The following AK5 variants were observed in gnomAD, a reference collection of about 807,000 sequenced individuals.
The protein encoded by AK5 is adenylate kinase isoenzyme 5.
In AK5, 27 loss-of-function variants were observed where a neutral mutation model predicts 69.5. That is an observed-to-expected ratio of 0.39 (90% confidence interval 0.29 to 0.54). The LOEUF is 0.54. Among genes scored for constraint, AK5 ranks in the 20% least tolerant of loss-of-function variants. The pLI, the probability that AK5 is intolerant of heterozygous loss-of-function variation, is 0.71. For synonymous variants in AK5, 260 were observed against 244.4 expected (o/e 1.06, Z -0.60); for missense variants, 531 against 700.4 (o/e 0.76, Z 2.73).
intron 8 of AK5, among the ~76,000 whole-genome samples, chr1:77,457,736 T>G (rs1279590189): frequency 1.3e-5 from 2 of 152,202 alleles, no homozygotes; most frequent in Non-Finnish European, 2.9e-5. Flanking sequence ...AGTTTTCTCC[T>G]AAGTTTTGAG....
chr1:77,314,013 A>G (rs1450457895), intron 5 of AK5: 9 of 401,108 alleles, frequency 2.2e-5, no homozygotes, highest in Non-Finnish European at 4.5e-5. Flanking sequence ...GGGGAGAAAT[A>G]ATAAAATAAT....
chr1:77,493,392 C>T (rs1430450581), intron 10 of AK5, among the ~76,000 whole-genome samples: 1 of 152,032 alleles, frequency 6.6e-6, no homozygotes, highest in Non-Finnish European at 1.5e-5. Flanking sequence ...TTCCCTGTTC[C>T]TCTGCTTATA....
intron 5 of AK5, among the ~76,000 whole-genome samples, chr1:77,318,828 A>G (rs1371250280): frequency 6.6e-6 from 1 of 151,922 alleles, no homozygotes; most frequent in Non-Finnish European, 1.5e-5. Context: ...TTATGTTACA[A>G]TTTACAATAT....
intron 8 of AK5, among the ~76,000 whole-genome samples, chr1:77,470,868 TA>T: frequency 5.6e-4 from 3 of 5,388 alleles, no homozygotes; most frequent in African/African-American, 1.6e-3. Context: ...TATATATATA[TA>T]TATATATTTT....
At chr1:77,368,245 A>ATATATATATATATTTTATATAT (rs376578923) in intron 6 of AK5, among the ~76,000 whole-genome samples, 1 of 67,906 alleles carries the variant, frequency 1.5e-5, no homozygotes, top group Non-Finnish European at 2.9e-5. Flanking sequence ...ATATATATAT[A>ATATATATATATATTTTATATAT]TATATATAAT....
Position 77,388,751 on chromosome 1 carries a change from A to G in AK5, c.892-22230A>G, listed in dbSNP as rs1648209461. The stretch of plus-strand genomic sequence containing the variant: ...TGTGGGAAGCATAAGCTCTATGGAA[A>G]AAAAAAAAAAAGATTAATTACAGCC... On this transcript the variant is annotated intron_variant, in intron 6 of 13. Coordinates refer to ENST00000354567, the MANE Select transcript of AK5 (RefSeq NM_174858.3). 2.6e-5 allele frequency among the ~76,000 whole-genome samples: 4 copies of G among 151,502 alleles called. No homozygotes were observed. The South Asian group carries it at 8.4e-4, about 32-fold the overall frequency.
At chr1:77,422,036 ATCTGTTCTTCCT>A (rs1470754428) in intron 8 of AK5, among the ~76,000 whole-genome samples, 2 of 151,910 alleles carry the variant, frequency 1.3e-5, no homozygotes, top group South Asian at 2.1e-4. Flanking sequence ...CCCCCACAAA[ATCTGTTCTTCCT>A]TCTGTTCTTC....
At chr1:77,556,540 T>C (rs1275547252) in intron 13 of AK5, among the ~76,000 whole-genome samples, 1 of 152,208 alleles carries the variant, frequency 6.6e-6, no homozygotes, top group East Asian at 1.9e-4. Flanking sequence ...CTATTGCTAA[T>C]GGACATACAG....
rs140536980 is a variant in AK5 at position 77,408,683 on chromosome 1, T to A, written c.892-2298T>A. Reference sequence around the variant, plus strand: ...ACTTATAATCTGCATATTTTAAATATGTGCAGTTCATTGTGTATCACTTAG... The same window carrying A: ...ACTTATAATCTGCATATTTTAAATAAGTGCAGTTCATTGTGTATCACTTAG... On this transcript the variant is annotated intron_variant, in intron 6 of 13. Coordinates refer to ENST00000354567, the MANE Select transcript of AK5 (RefSeq NM_174858.3). 5.9e-5 allele frequency among the ~76,000 whole-genome samples: 9 copies of A among 152,288 alleles called. No homozygotes were observed. The East Asian group carries it at 1.7e-3, about 29-fold the overall frequency.
At chr1:77,403,358 T>C (rs1413404427) in intron 6 of AK5, among the ~76,000 whole-genome samples, 1 of 151,912 alleles carries the variant, frequency 6.6e-6, no homozygotes, top group Non-Finnish European at 1.5e-5. Flanking sequence ...GTTTTAGTCA[T>C]GAAGTCCTTG....
At chr1:77,380,931 G>C (rs929736077) in intron 6 of AK5, among the ~76,000 whole-genome samples, 2 of 152,206 alleles carry the variant, frequency 1.3e-5, no homozygotes, top group African/African-American at 4.8e-5. Context: ...GGAGTTTAGA[G>C]TGAGGTAGGA....
At chr1:77,309,885 C>T (rs1659848166) in intron 5 of AK5, among the ~76,000 whole-genome samples, 1 of 151,856 alleles carries the variant, frequency 6.6e-6, no homozygotes, top group African/African-American at 2.4e-5. Context: ...ATAATATTTT[C>T]TTTCATTTAT....
At chr1:77,401,002 C>T (rs1649180569) in intron 6 of AK5, among the ~76,000 whole-genome samples, 1 of 147,698 alleles carries the variant, frequency 6.8e-6, no homozygotes, top group African/African-American at 2.5e-5. Context: ...CACAGGAATT[C>T]TCATCAAAAC....
intron 13 of AK5, among the ~76,000 whole-genome samples, chr1:77,546,356 G>A (rs1453993167): frequency 1.3e-5 from 2 of 152,184 alleles, no homozygotes; most frequent in Non-Finnish European, 2.9e-5. Flanking sequence ...TTCTATGTAA[G>A]GTCTTTGACA....
intron 6 of AK5, among the ~76,000 whole-genome samples, chr1:77,367,569 A>ATTATATATATGT (rs1462793828): frequency 2.2e-4 from 7 of 31,628 alleles, no homozygotes; most frequent in African/African-American, 2.9e-4. Context: ...ATATATATAT[A>ATTATATATATGT]TATATATATA....
chr1:77,538,568 T>G (rs1378401482), intron 13 of AK5, among the ~76,000 whole-genome samples: 1 of 151,110 alleles, frequency 6.6e-6, no homozygotes, highest in Non-Finnish European at 1.5e-5. Flanking sequence ...AAGAATTGCT[T>G]GAACCCAGGA....
chr1:77,307,275 A>G (rs1659693120), intron 5 of AK5, among the ~76,000 whole-genome samples: 1 of 151,388 alleles, frequency 6.6e-6, no homozygotes, highest in South Asian at 2.1e-4. Context: ...GCTGTATCCC[A>G]TAGATTTTGG....
At chr1:77,414,814 A>C (rs1650286593) in intron 7 of AK5, among the ~76,000 whole-genome samples, 1 of 152,176 alleles carries the variant, frequency 6.6e-6, no homozygotes, top group East Asian at 1.9e-4. Context: ...TATCCAACGA[A>C]AGAAGGCAGT....
rs1223227934 is a variant in AK5, at chr1:77,475,515, GTA to G, written c.1060-7794_1060-7793del. On this transcript the variant is annotated intron_variant, in intron 8 of 13. Coordinates refer to ENST00000354567, the MANE Select transcript of AK5 (RefSeq NM_174858.3). ...ATACAAATATATATTATATATATAT[GTA>G]TATATATTATATATATACAAATATA... Among the ~76,000 whole-genome samples, 24 of 77,970 alleles carry G rather than the reference GTA, an allele frequency of 3.1e-4. 1 individual carries two copies. In the South Asian group the frequency reaches 4.3e-3, roughly 14 times the overall value. 51.2% of individuals were successfully genotyped at this position (77,970 alleles called of 152,430 possible).
Sources: gnomAD v4.1 joint callset for allele counts (sites outside exome capture counted in the v4.1 genomes callset) on GRCh38, gnomAD v4.1.1 for gene constraint, MANE v1.5 for transcripts, NCBI Gene and HGNC (gene_info 2026-07-23, HGNC 2026-07-21) for gene names.